The following FGFR1 variants were observed in gnomAD, a reference collection of about 807,000 sequenced individuals.
FGFR1 encodes fibroblast growth factor receptor 1.
Under a neutral mutation model 93.7 loss-of-function variants are expected in FGFR1, and 18 were observed. That is an observed-to-expected ratio of 0.19 (90% confidence interval 0.13 to 0.28). The LOEUF (loss-of-function observed/expected upper bound fraction) is 0.28. Among genes scored for constraint, FGFR1 ranks in the 10% least tolerant of loss-of-function variants. The pLI is 1.00. For missense variants in FGFR1, 731 were observed against 1,080.4 expected (o/e 0.68, Z 4.53); for synonymous variants, 448 against 429.3 (o/e 1.04, Z -0.54).
At chr8:38,438,201 T>TCA (rs35489632) in intron 2 of FGFR1, among the ~76,000 whole-genome samples, 3,269 of 152,278 alleles carry the variant, frequency 0.021, 192 homozygotes, top group East Asian at 0.21. Flanking sequence ...AGCATAGTTC[T>TCA]CAGCATGTGT....
intron 7 of FGFR1, chr8:38,422,764 C>G (rs1819283062): frequency 2.2e-6 from 1 of 452,926 alleles, no homozygotes; most frequent in African/African-American, 2.0e-5. Flanking sequence ...ATTTGTAACA[C>G]AGCAAAACCG....
At chr8:38,433,691 T>G (rs770661811) in intron 2 of FGFR1, among the ~76,000 whole-genome samples, 1 of 152,240 alleles carries the variant, frequency 6.6e-6, no homozygotes, top group Non-Finnish European at 1.5e-5. Flanking sequence ...TCTCTAATTT[T>G]CTGTAAAACA....
intron 1 of FGFR1, among the ~76,000 whole-genome samples, chr8:38,464,903 T>A (rs1463194144): frequency 6.6e-6 from 1 of 152,232 alleles, no homozygotes; most frequent in Admixed American, 6.5e-5. Flanking sequence ...AGCCGGCTGC[T>A]AAACCCCCAA....
At chr8:38,428,234 C>T (rs1821486696) in intron 4 of FGFR1, 112 bp downstream of exon 4, 14 of 1,466,220 alleles carry the variant, frequency 9.5e-6, no homozygotes, top group South Asian at 3.4e-5. Context: ...CTTAGCAGAA[C>T]AGGCACCGTG....
chr8:38,466,396 A>C lies in FGFR1; in HGVS notation c.-89+1585T>G, dbSNP rs181567393. ...TCCAGAAACTTCCATCGTCAAGGCC[A>C]GTTCTGGCCAGACGCACAGCCAAAG... is the stretch of plus-strand genomic sequence containing the variant. On this transcript the variant is annotated intron_variant, in intron 1 of 17. Coordinates refer to ENST00000447712, the MANE Select transcript of FGFR1 (RefSeq NM_023110.3). The C allele has an allele frequency of 3.0e-5, 7 of 231,766 alleles. No homozygotes were observed. The Admixed American group carries it at 3.4e-4, about 11-fold the overall frequency. The allele number at this position is 231,766 out of a possible 1,614,324, so 14.4% of individuals were successfully genotyped here. A position where few individuals can be genotyped will look rare whatever the true frequency, so the allele number is the denominator to read the frequency against.
At chr8:38,422,491 C>T (rs890761527) in intron 7 of FGFR1, among the ~76,000 whole-genome samples, 4 of 152,182 alleles carry the variant, frequency 2.6e-5, no homozygotes, top group Non-Finnish European at 4.4e-5. Flanking sequence ...ACTGCAGCCT[C>T]GACCTAAGCT....
rs2150706832 is a variant in FGFR1, at chr8:38,419,580, C to T, written c.1237G>A (p.Ala413Thr). ...TKKSDFHSQM[A>T]VHKLAKSIPL... ...ATGCTCTTGGCCAGCTTGTGCACAG[C>T]CATCTGGCTGTGGAAGTCACTCTTC... The change falls in exon 9 of 18, where the codon GCT becomes ACT. Residue 413 changes from alanine (A) to threonine (T), a missense_variant. By Grantham distance (58) the Ala-to-Thr change is moderately conservative. Coordinates refer to ENST00000447712, the MANE Select transcript of FGFR1 (RefSeq NM_023110.3). 2 of 1,614,158 alleles carry T rather than the reference C, an allele frequency of 1.2e-6. No individual in the cohort carries two copies. The highest frequency in any genetic ancestry group is 1.7e-6 in the Non-Finnish European group (2 of 1,180,028).
At chr8:38,418,037 T>C (rs759536299) in intron 10 of FGFR1, 46 bp from the exon 11 acceptor site, 1 of 1,613,492 alleles carries the variant, frequency 6.2e-7, no homozygotes. Context: ...CTGGTGAAGT[T>C]CAAACCTTGA....
chr8:38,432,410 A>T (rs1024760431), intron 2 of FGFR1, among the ~76,000 whole-genome samples: 26 of 135,934 alleles, frequency 1.9e-4, no homozygotes, highest in East Asian at 1.0e-3. Context: ...CTCGGGATAA[A>T]TTTTTTTTTT....
rs1444269850 is a variant in FGFR1 at position 38,426,497 on chromosome 8, CA to C, written c.622-253del. Reference sequence around the variant, plus strand: ...CGTTCAAGATCATTCGTGATCCGGACAGATGTGCCTTCTGCAAACACTCCCA... The same window carrying C: ...CGTTCAAGATCATTCGTGATCCGGACGATGTGCCTTCTGCAAACACTCCCA... On this transcript the variant is annotated intron_variant, in intron 5 of 17. Coordinates refer to ENST00000447712, the MANE Select transcript of FGFR1 (RefSeq NM_023110.3). This position sits in a 1 kb window ranked among gnomAD's most constrained non-coding sequence, Gnocchi z 4.1. Among the ~76,000 whole-genome samples, 1 of 152,242 alleles carries C rather than the reference CA, an allele frequency of 6.6e-6. No homozygotes were observed. Among genetic ancestry groups the C allele is most frequent in the Non-Finnish European group, 1.5e-5 (1 of 68,040 alleles).
intron 2 of FGFR1, among the ~76,000 whole-genome samples, chr8:38,440,072 G>A (rs942085982): frequency 6.6e-6 from 1 of 151,950 alleles, no homozygotes; most frequent in Non-Finnish European, 1.5e-5. Context: ...AATTAGGAGA[G>A]AAAGGCTAAA....
At chr8:38,445,924 G>C (rs1829129471) in intron 2 of FGFR1, among the ~76,000 whole-genome samples, 2 of 151,954 alleles carry the variant, frequency 1.3e-5, no homozygotes, top group Non-Finnish European at 2.9e-5. Context: ...ACTCTTCTAA[G>C]GTTCAAAAGC....
At chr8:38,418,706 T>C (rs1817646515) in intron 9 of FGFR1, 1 of 383,788 alleles carries the variant, frequency 2.6e-6, no homozygotes, top group Non-Finnish European at 4.9e-6. Context: ...CCTTAGCTTA[T>C]GGATTCCTAA....
rs2150552383 is a variant in FGFR1, at chr8:38,414,621, C to G, written c.1986G>C (p.Leu662=). ...DYYKKTTNGR[L]PVKWMAPEAL... ...CCTCGGGTGCCATCCACTTCACAGGCAGTCGGCCCTGAAAGCAGCACAGGG... is the reference window on the plus strand; with the variant it reads ...CCTCGGGTGCCATCCACTTCACAGGGAGTCGGCCCTGAAAGCAGCACAGGG... Residue 662 remains leucine (L), a synonymous_variant, in exon 15 of 18, where the codon CTG becomes CTC. Transcript: ENST00000447712. 1 of 1,613,828 alleles carries G rather than the reference C, an allele frequency of 6.2e-7. No individual in the cohort carries two copies. The highest frequency in any genetic ancestry group is 8.5e-7 in the Non-Finnish European group (1 of 1,179,976).
chr8:38,422,364 A>C, intron 7 of FGFR1: 1 of 400,234 alleles, frequency 2.5e-6, no homozygotes. Flanking sequence ...ACATGTGCAT[A>C]CACAGCCAGC....
Position 38,430,609 on chromosome 8 carries a change from T to C in FGFR1, c.92-661A>G, listed in dbSNP as rs17182261. 2.2e-3 allele frequency: 330 copies of C among 152,710 alleles called. 1 individual carries two copies. The highest frequency in any genetic ancestry group is 4.5e-3 in the Admixed American group (69 of 15,380). 9.5% of individuals were successfully genotyped at this position (152,710 alleles called of 1,614,324 possible). A position where few individuals can be genotyped will look rare whatever the true frequency, so the allele number is the denominator to read the frequency against. Reference sequence around the variant, plus strand: ...CGCTAACAGGTGTCAGGGCAGGGGATTTGGAGCTGTTGACTATATTAGGAC... The same window carrying C: ...CGCTAACAGGTGTCAGGGCAGGGGACTTGGAGCTGTTGACTATATTAGGAC... On this transcript the variant is annotated intron_variant, in intron 2 of 17. Transcript: ENST00000447712.
At chr8:38,434,596 CTTAGACA>C (rs1824564251) in intron 2 of FGFR1, 1 of 246,426 alleles carries the variant, frequency 4.1e-6, no homozygotes, top group African/African-American at 2.3e-5. Flanking sequence ...GGTCCCTTCA[CTTAGACA>C]TTCTTTTCCT....
chr8:38,459,065 G>C (rs1190680844), intron 1 of FGFR1: 2 of 229,120 alleles, frequency 8.7e-6, no homozygotes. Context: ...ACCCTTCTCA[G>C]GTCTGGTGGG....
chr8:38,461,868 T>C (rs1408920784), intron 1 of FGFR1, among the ~76,000 whole-genome samples: 1 of 152,206 alleles, frequency 6.6e-6, no homozygotes, highest in Non-Finnish European at 1.5e-5. Flanking sequence ...ATAATTCTCT[T>C]TGTGTAGTGC....
Sources: gnomAD v4.1 joint callset for allele counts (sites outside exome capture counted in the v4.1 genomes callset) on GRCh38, gnomAD v4.1.1 for gene constraint, Gnocchi (gnomAD v3.1) non-coding constraint, MANE v1.5 for transcripts, NCBI Gene and HGNC (gene_info 2026-07-23, HGNC 2026-07-21) for gene names.